TUBB8: variants seen among roughly 807,000 people sequenced by gnomAD.
TUBB8 encodes the protein tubulin beta 8 class VIII.
Under a neutral mutation model 33.7 loss-of-function variants are expected in TUBB8, and 25 were observed. The ratio of observed to expected loss-of-function variants is 0.74; its 90% confidence interval spans 0.54 to 1.04. The LOEUF is 1.04. Ranked by LOEUF, TUBB8 falls within the 50% of genes least tolerant of loss-of-function variation. TUBB8 has a pLI of 0.00. For missense variants in TUBB8, 279 were observed against 608.0 expected (o/e 0.46, Z 5.69); for synonymous variants, 245 against 240.1 (o/e 1.02, Z -0.19).
intron 1 of TUBB8, among the ~76,000 whole-genome samples, chr10:58,311 G>C (rs13328794): frequency 0.11 from 12,081 of 109,234 alleles, no homozygotes; most frequent in African/African-American, 0.24. Flanking sequence ...TCTTCTGAGT[G>C]CTACAAACTC....
At chr10:52,404 T>C (rs1834479802), upstream of TUBB8, among the ~76,000 whole-genome samples, 2 of 152,230 alleles carry the variant, frequency 1.3e-5, no homozygotes, top group African/African-American at 4.8e-5. Flanking sequence ...TCTTAGATCT[T>C]GTGCAGTAAA....
At chr10:57,777 A>G (rs1834550943) in intron 1 of TUBB8, among the ~76,000 whole-genome samples, 1 of 151,778 alleles carries the variant, frequency 6.6e-6, no homozygotes. Flanking sequence ...AATGCCTTCA[A>G]TTCCTCTTTC....
intron 1 of TUBB8, among the ~76,000 whole-genome samples, chr10:68,215 C>A (rs1223876996): frequency 6.6e-6 from 1 of 152,184 alleles, no homozygotes; most frequent in South Asian, 2.1e-4. Context: ...TGCTGTGACA[C>A]CCATAAGACT....
At chr10:60,281 G>A (rs1214022803) in intron 1 of TUBB8, among the ~76,000 whole-genome samples, 1 of 151,980 alleles carries the variant, frequency 6.6e-6, no homozygotes, top group African/African-American at 2.4e-5. Context: ...CCATCAGAGT[G>A]AACAGGCAAC....
upstream of TUBB8, among the ~76,000 whole-genome samples, chr10:53,094 A>G (rs1242442013): frequency 2.0e-5 from 3 of 152,196 alleles, no homozygotes; most frequent in Non-Finnish European, 4.4e-5. Context: ...GATATGCAAA[A>G]GAAATTTTGT....
intron 3 of TUBB8, 185 bp downstream of exon 3, chr10:48,430 G>A (rs1332920538): frequency 2.8e-5 from 19 of 672,160 alleles, no homozygotes; most frequent in Non-Finnish European, 4.5e-5. Flanking sequence ...CTCACCTTGA[G>A]GAGACACCAG....
chr10:72,739 G>C (rs1212733811), intron 1 of TUBB8, among the ~76,000 whole-genome samples: 3 of 151,402 alleles, frequency 2.0e-5, no homozygotes, highest in African/African-American at 7.3e-5. Context: ...TGTAATCCCA[G>C]TTCTTGGGGA....
At chr10:61,270 C>T (rs1237508386) in intron 1 of TUBB8, among the ~76,000 whole-genome samples, 8 of 152,140 alleles carry the variant, frequency 5.3e-5, no homozygotes, top group African/African-American at 1.7e-4. Context: ...CATAATAGTA[C>T]CTCTTTTACC....
intron 1 of TUBB8, 113 bp downstream of exon 1, chr10:49,069 C>T (rs1275015149): frequency 1.8e-4 from 251 of 1,361,432 alleles, no homozygotes; most frequent in Non-Finnish European, 2.4e-4. Context: ...TTCCACCGTC[C>T]CCGGCAGGGA....
intron 1 of TUBB8, among the ~76,000 whole-genome samples, chr10:62,858 A>G (rs1337184795): frequency 6.6e-6 from 1 of 152,130 alleles, no homozygotes; most frequent in Non-Finnish European, 1.5e-5. Context: ...CTGCTGTCAG[A>G]TGTATTGGAG....
upstream of TUBB8, among the ~76,000 whole-genome samples, chr10:53,736 C>T (rs1834496641): frequency 6.6e-6 from 1 of 152,228 alleles, no homozygotes; most frequent in Non-Finnish European, 1.5e-5. Flanking sequence ...AAAAATTCTT[C>T]TTTTTTCCAC....
chr10:67,050 T>G lies in TUBB8; in HGVS notation c.-846+6919A>C, dbSNP rs1417582954. ...CTCAAAATTCAGTTCCATTGATCTA[T>G]TCAATGGATTATACCAGAATCATGT... On this transcript the variant is annotated intron_variant, in intron 1 of 3. Transcript: ENST00000564130. Among the ~76,000 whole-genome samples, 5 of 152,260 alleles carry G rather than the reference T, an allele frequency of 3.3e-5. 1 individual carries two copies. The highest frequency in any genetic ancestry group is 1.2e-4 in the African/African-American group (5 of 41,472).
upstream of TUBB8, among the ~76,000 whole-genome samples, chr10:54,179 C>T (rs1203772213): frequency 1.3e-5 from 2 of 152,154 alleles, no homozygotes; most frequent in African/African-American, 4.8e-5. Flanking sequence ...CCCCACTAAC[C>T]CCGTTCCCCC....
chr10:66,667 A>T (rs1295481741), intron 1 of TUBB8, among the ~76,000 whole-genome samples: 2 of 152,212 alleles, frequency 1.3e-5, no homozygotes, highest in African/African-American at 4.8e-5. Context: ...AAGAAAAAGA[A>T]ATTACATTTT....
chr10:76,517 G>A (rs1297541047), upstream of TUBB8, among the ~76,000 whole-genome samples: 1 of 152,168 alleles, frequency 6.6e-6, no homozygotes, highest in Non-Finnish European at 1.5e-5. Context: ...TGTCCTCACA[G>A]CGGACGTGGC....
At chr10:54,598 AT>A (rs1440072049) in intron 1 of TUBB8, among the ~76,000 whole-genome samples, 1 of 152,152 alleles carries the variant, frequency 6.6e-6, no homozygotes, top group African/African-American at 2.4e-5. Flanking sequence ...GCACCTTTTT[AT>A]TTGCCTATTT....
intron 1 of TUBB8, among the ~76,000 whole-genome samples, chr10:61,380 A>G (rs1374427587): frequency 3.9e-5 from 6 of 152,184 alleles, no homozygotes; most frequent in Admixed American, 3.9e-4. Flanking sequence ...ATCATTCAAG[A>G]GCATATTGTT....
upstream of TUBB8, among the ~76,000 whole-genome samples, chr10:51,765 C>A (rs187680321): frequency 5.0e-4 from 76 of 152,272 alleles, no homozygotes; most frequent in Middle Eastern, 3.4e-3. Context: ...CCTTCTAGGA[C>A]CACCTTCCCT....
chr10:75,350 TAAAAC>T (rs200254762), upstream of TUBB8, among the ~76,000 whole-genome samples: 3,764 of 119,798 alleles, frequency 0.031, 75 homozygotes, highest in Middle Eastern at 0.11. Context: ...CCTTCTCTCT[TAAAAC>T]AAAACAAACC....
Sources: allele counts gnomAD v4.1 joint callset (sites outside exome capture counted in the v4.1 genomes callset), GRCh38; gene constraint gnomAD v4.1.1; transcripts MANE v1.5; gene names NCBI Gene and HGNC (gene_info 2026-07-23, HGNC 2026-07-21).